RHBDF2: variants seen among roughly 807,000 people sequenced by gnomAD.
The protein encoded by RHBDF2 is rhomboid 5 homolog 2, also known as inactive rhomboid protein 2.
Under a neutral mutation model 95.2 loss-of-function variants are expected in RHBDF2, and 38 were observed. The ratio of observed to expected loss-of-function variants is 0.40; its 90% CI spans 0.31 to 0.52. The LOEUF is 0.52. Ranked by LOEUF, RHBDF2 falls within the 20% of genes least tolerant of loss-of-function variation. The probability of loss-of-function intolerance (pLI) is 0.56; values close to 1 mark genes in which losing one functional copy is unlikely to be tolerated. For missense variants in RHBDF2, 863 were observed against 1,137.7 expected (o/e 0.76, Z 3.47); for synonymous variants, 442 against 462.0 (o/e 0.96, Z 0.55).
In RHBDF2 at chr17:76,473,125, G is replaced by A. The variant is rs775678760; in HGVS notation, c.1810-20C>T. 6.2e-6 allele frequency: 10 copies of A among 1,605,672 alleles called. No homozygotes were observed. Among genetic ancestry groups the A allele is most frequent in the Non-Finnish European group, 8.5e-6 (10 of 1,172,454 alleles). On this transcript the variant is annotated intron_variant, in intron 16 of 18. Coordinates refer to ENST00000675367, the MANE Select transcript of RHBDF2 (RefSeq NM_001005498.4). ...GTGCACCTGGGAGTGGGCATATGGTGCTCAGCGCCCCAGAAGCAGGCTGAG... is the reference window on the plus strand; with the variant it reads ...GTGCACCTGGGAGTGGGCATATGGTACTCAGCGCCCCAGAAGCAGGCTGAG...
rs1419693237 is a variant in RHBDF2, at chr17:76,478,804, A to C, written c.672+2T>G. ...GGGGCCCTGCAGGAGGGAGCCCCGC[A>C]CCTTGAGGAGGGCAGCGGCAGCTTG... On this transcript the variant is annotated splice_donor_variant, in intron 6 of 18. Transcript: ENST00000675367. LOFTEE classifies it high-confidence loss of function. 6.2e-7 allele frequency: 1 copy of C among 1,610,192 alleles called. No individual in the cohort carries two copies. The highest frequency in any genetic ancestry group is 8.5e-7 in the Non-Finnish European group (1 of 1,178,282).
chr17:76,473,912 G>T lies in RHBDF2; in HGVS notation c.1575-10C>A. On this transcript the variant is annotated splice_polypyrimidine_tract_variant and intron_variant, in intron 13 of 18. Transcript: ENST00000675367. ...TGGCTCCTCGCAGGTCCTGGAGACA[G>T]GGTTCAGATTGGGCTGTGGCACACC... is the stretch of plus-strand genomic sequence containing the variant. 6.2e-7 allele frequency: 1 copy of T among 1,613,840 alleles called. No individual in the cohort carries two copies. The highest frequency in any genetic ancestry group is 8.5e-7 in the Non-Finnish European group (1 of 1,179,936).
chr17:76,486,111 C>CACAT (rs751142561), intron 2 of RHBDF2, among the ~76,000 whole-genome samples: 1 of 130,322 alleles, frequency 7.7e-6, no homozygotes, highest in African/African-American at 2.8e-5. Flanking sequence ...CACACACACA[C>CACAT]ACACATATAG....
At chr17:76,473,173 G>A in intron 16 of RHBDF2, 68 bp from the exon 17 acceptor site, 2 of 1,582,574 alleles carry the variant, frequency 1.3e-6, no homozygotes, top group South Asian at 1.1e-5. Context: ...ACATGGGAGG[G>A]AGTGCGTGAG....
chr17:76,476,640 C>T (rs2073780004), intron 9 of RHBDF2, 190 bp downstream of exon 9: 1 of 797,188 alleles, frequency 1.3e-6, no homozygotes. Flanking sequence ...GCAGCAAGCA[C>T]CCCTGGCCCT....
chr17:76,498,239 G>A (rs1218815918), intron 1 of RHBDF2, among the ~76,000 whole-genome samples: 1 of 151,906 alleles, frequency 6.6e-6, no homozygotes, highest in Non-Finnish European at 1.5e-5. Context: ...AGGCGCAGAC[G>A]TCCCCGCCAC....
chr17:76,472,803 C>T lies in RHBDF2; in HGVS notation c.1947G>A (p.Met649Ile), dbSNP rs767867637. 3.1e-6 allele frequency: 5 copies of T among 1,604,610 alleles called. No individual in the cohort carries two copies. Among genetic ancestry groups the T allele is most frequent in the Non-Finnish European group, 4.3e-6 (5 of 1,175,616 alleles). The change falls in exon 18 of 19, where the codon ATG becomes ATA. Residue 649 changes from methionine (M) to isoleucine (I), a missense_variant. Around this residue, in one of 2 missense-constraint regions of RHBDF2, gnomAD observed 252 missense variants for 412.2 expected, o/e 0.61. Coordinates refer to ENST00000675367, the MANE Select transcript of RHBDF2 (RefSeq NM_001005498.4). Reference protein sequence around the residue: ...VHCLVSVVFQMTILRDLEKLA... With the variant: ...VHCLVSVVFQITILRDLEKLA... ...GCTTCTCCAGGTCCCTCAGGATGGT[C>T]ATTTGAAAGACCACAGACACGAGGC...
chr17:76,498,656 C>T (rs868101905), intron 1 of RHBDF2, among the ~76,000 whole-genome samples: 1 of 152,176 alleles, frequency 6.6e-6, no homozygotes. Flanking sequence ...AGAGCTGAGG[C>T]CACAGGAAAA....
chr17:76,481,613 AG>A, intron 2 of RHBDF2, 68 bp from the exon 3 acceptor site: 1 of 1,397,134 alleles, frequency 7.2e-7, no homozygotes, highest in Non-Finnish European at 9.7e-7. Flanking sequence ...CCCTGACGCC[AG>A]GGCACGCAGC....
rs147867109 is a variant in RHBDF2 at position 76,493,951 on chromosome 17, T to A, written c.-219-6042A>T. Among the ~76,000 whole-genome samples, 508 of 152,270 alleles carry A rather than the reference T, an allele frequency of 3.3e-3. 2 individuals carry two copies. The highest frequency in any genetic ancestry group is 0.011 in the African/African-American group (470 of 41,564). On this transcript the variant is annotated intron_variant, in intron 1 of 18. Transcript: ENST00000675367. ...AGGGGCAGCTTCAGGGGACTGACCA[T>A]CCCCTGACTTCTCTGGGCTTTTTCC...
intron 9 of RHBDF2, chr17:76,476,460 T>C: frequency 4.7e-6 from 1 of 214,042 alleles, no homozygotes. Flanking sequence ...CGCCCAGCCC[T>C]GGCCCCAGCT....
chr17:76,474,309 A>T (rs1260834317), intron 12 of RHBDF2, 64 bp downstream of exon 12: 37 of 1,566,556 alleles, frequency 2.4e-5, no homozygotes, highest in African/African-American at 4.1e-5. Context: ...CTTGAAGGAC[A>T]GGGCAAGTGG....
intron 1 of RHBDF2, among the ~76,000 whole-genome samples, chr17:76,494,124 C>T (rs1027121874): frequency 9.9e-5 from 15 of 151,798 alleles, no homozygotes; most frequent in Admixed American, 9.2e-4. Flanking sequence ...GTGTGTGTTG[C>T]GGGGGGCTGG....
intron 1 of RHBDF2, chr17:76,492,946 T>C (rs2074340783): frequency 6.6e-6 from 1 of 152,274 alleles, no homozygotes; most frequent in Non-Finnish European, 1.5e-5. Flanking sequence ...CCACTGGATA[T>C]GACCAGGAAG....
chr17:76,497,800 T>C (rs2144476600), intron 1 of RHBDF2, among the ~76,000 whole-genome samples: 1 of 152,342 alleles, frequency 6.6e-6, no homozygotes, highest in South Asian at 2.1e-4. Context: ...CATGGACGAC[T>C]GTGCCCAGCA....
chr17:76,494,935 T>A (rs919833494), intron 1 of RHBDF2, among the ~76,000 whole-genome samples: 1 of 151,928 alleles, frequency 6.6e-6, no homozygotes, highest in African/African-American at 2.4e-5. Context: ...GGGCCCCAGT[T>A]CTCCTGCTCC....
chr17:76,472,738 C>G lies in RHBDF2; in HGVS notation c.2012G>C (p.Ser671Thr), dbSNP rs1345659985. The change falls in exon 18 of 19, where the codon AGT (serine) becomes ACT (threonine). Residue 671 changes from serine (S) to threonine (T), a missense_variant. Physicochemically the swap from Ser to Thr is moderately conservative, Grantham distance 58 (BLOSUM62 1). Around this residue, in one of 2 missense-constraint regions of RHBDF2, gnomAD observed 252 missense variants for 412.2 expected, o/e 0.61. Coordinates refer to ENST00000675367, the MANE Select transcript of RHBDF2 (RefSeq NM_001005498.4). ...WHRIAIIFIL[S>T]GITGNLASAI... ...ACTGGCGAGGTTGCCTGTGATGCCACTGAGGATGAAGATGATGGCGATACG... is the reference window on the plus strand; with the variant it reads ...ACTGGCGAGGTTGCCTGTGATGCCAGTGAGGATGAAGATGATGGCGATACG... 1.2e-6 allele frequency: 2 copies of G among 1,613,942 alleles called. No individual in the cohort carries two copies. Among genetic ancestry groups the G allele is most frequent in the African/African-American group, 2.7e-5 (2 of 74,938 alleles).
chr17:76,474,948 G>T, intron 10 of RHBDF2, 82 bp downstream of exon 10: 1 of 1,460,384 alleles, frequency 6.8e-7, no homozygotes, highest in Non-Finnish European at 9.4e-7. Flanking sequence ...AGATTGTTGC[G>T]GTGGGAGGGA....
At chr17:76,496,052 A>C (rs1020020493) in intron 1 of RHBDF2, among the ~76,000 whole-genome samples, 1 of 151,952 alleles carries the variant, frequency 6.6e-6, no homozygotes, top group Admixed American at 6.6e-5. Flanking sequence ...CAGAGATGGG[A>C]CTCAAACCTG....
Sources: gnomAD v4.1 joint callset for allele counts (sites outside exome capture counted in the v4.1 genomes callset) on GRCh38, gnomAD v4.1.1 for gene constraint, gnomAD v4.1.1 regional missense constraint, MANE v1.5 for transcripts, NCBI Gene and HGNC (gene_info 2026-07-23, HGNC 2026-07-21) for gene names.